DIP2A: variants seen among roughly 807,000 people sequenced by gnomAD.
DIP2A encodes DIP2 acetate--CoA ligase A, also known as disco-interacting protein 2 homolog A.
DIP2A carries 85 observed loss-of-function variants against 177.4 expected under a neutral mutation model. That is an observed-to-expected ratio of 0.48 (90% CI 0.40 to 0.57). The LOEUF (loss-of-function observed/expected upper bound fraction) is 0.57. Among genes scored for constraint, DIP2A ranks in the 20% least tolerant of loss-of-function variants. DIP2A has a pLI of 0.00. For synonymous variants in DIP2A, 886 were observed against 881.8 expected (o/e 1.00, Z -0.08); for missense variants, 1,791 against 2,100.2 (o/e 0.85, Z 2.88).
At chr21:46,513,107 T>TC (rs936766754) in intron 8 of DIP2A, among the ~76,000 whole-genome samples, 5 of 130 alleles carry the variant, frequency 0.038, no homozygotes, top group Non-Finnish European at 0.056. Context: ...TTACATGTTG[T>TC]TTTTTTTTCC....
intron 21 of DIP2A, among the ~76,000 whole-genome samples, chr21:46,549,436 T>TA (rs1364263638): frequency 6.6e-6 from 1 of 152,204 alleles, no homozygotes; most frequent in African/African-American, 2.4e-5. Flanking sequence ...TCTGTTGGAT[T>TA]AAAAAAATAT....
chr21:46,517,397 T>C (rs1368624945), intron 8 of DIP2A, among the ~76,000 whole-genome samples: 1 of 152,136 alleles, frequency 6.6e-6, no homozygotes, highest in Non-Finnish European at 1.5e-5. Flanking sequence ...GAATATTGTA[T>C]GTTGTGTATA....
intron 1 of DIP2A, among the ~76,000 whole-genome samples, chr21:46,466,495 C>T (rs2054845298): frequency 2.0e-5 from 3 of 151,746 alleles, no homozygotes; most frequent in Admixed American, 2.0e-4. Context: ...ATTACAGGTG[C>T]CTGCCACCAT....
chr21:46,524,544 A>G (rs2058978651), intron 8 of DIP2A, among the ~76,000 whole-genome samples: 1 of 152,182 alleles, frequency 6.6e-6, no homozygotes, highest in South Asian at 2.1e-4. Flanking sequence ...GTTCCCAGAA[A>G]GGGATCCTAT....
At chr21:46,573,458 G>C (rs890931009), downstream of DIP2A, among the ~76,000 whole-genome samples, 1 of 151,562 alleles carries the variant, frequency 6.6e-6, no homozygotes, top group Non-Finnish European at 1.5e-5. Context: ...CCAGGAATTT[G>C]AGACCAGCCT....
At chr21:46,544,971 C>T (rs1285905872) in intron 18 of DIP2A, among the ~76,000 whole-genome samples, 166 bp from the exon 19 acceptor site, 2 of 152,194 alleles carry the variant, frequency 1.3e-5, no homozygotes, top group Non-Finnish European at 2.9e-5. Context: ...TAAAGACTTA[C>T]AGCTAGGTAG....
At chr21:46,560,460 A>G (rs1049095569) in intron 32 of DIP2A, among the ~76,000 whole-genome samples, 2 of 152,228 alleles carry the variant, frequency 1.3e-5, no homozygotes, top group African/African-American at 4.8e-5. Context: ...TAGAACTGAA[A>G]TGTAAAGTGG....
Position 46,563,952 on chromosome 21 carries a change from A to T in DIP2A, c.4164+20A>T, listed in dbSNP as rs748915823. The T allele has an allele frequency of 9.9e-6, 16 of 1,610,232 alleles. No homozygotes were observed. The highest frequency in any genetic ancestry group is 1.4e-5 in the Non-Finnish European group (16 of 1,178,878). ...GGAGAGGTGAGCAGGGGCCCATGGG[A>T]GGGGCTTGAGCTCTCCAGCCTCACC... On this transcript the variant is annotated intron_variant, in intron 35 of 37. Coordinates refer to ENST00000417564, the MANE Select transcript of DIP2A (RefSeq NM_015151.4). The surrounding 1 kb of genome is among the most constrained non-coding windows in gnomAD (Gnocchi z 4.3).
intron 20 of DIP2A, 76 bp from the exon 21 acceptor site, chr21:46,546,836 TGGG>T: frequency 1.3e-6 from 2 of 1,544,234 alleles, no homozygotes; most frequent in South Asian, 2.4e-5. Flanking sequence ...GGCCCCTTCT[TGGG>T]GGGCCTGACC....
chr21:46,517,343 T>C (rs1316472576), intron 8 of DIP2A, among the ~76,000 whole-genome samples: 3 of 152,124 alleles, frequency 2.0e-5, no homozygotes, highest in Non-Finnish European at 4.4e-5. Flanking sequence ...CCTCCCAAAG[T>C]GCTGGATTAC....
At chr21:46,467,749 T>G (rs1313140247) in intron 1 of DIP2A, among the ~76,000 whole-genome samples, 1 of 152,202 alleles carries the variant, frequency 6.6e-6, no homozygotes, top group Admixed American at 6.5e-5. Flanking sequence ...TTGTTTGTTT[T>G]TTTTTTCATA....
chr21:46,545,430 CT>C (rs1230473456), intron 19 of DIP2A, among the ~76,000 whole-genome samples, 157 bp downstream of exon 19: 1 of 152,198 alleles, frequency 6.6e-6, no homozygotes, highest in Non-Finnish European at 1.5e-5. Context: ...CTGCACACCC[CT>C]GTGTGTCCTC....
At chr21:46,466,835 A>G (rs1235299301) in intron 1 of DIP2A, among the ~76,000 whole-genome samples, 1 of 152,158 alleles carries the variant, frequency 6.6e-6, no homozygotes. Context: ...TGGATACAGG[A>G]GCAGGTATGA....
At chr21:46,475,055 G>A (rs1316489408) in intron 1 of DIP2A, among the ~76,000 whole-genome samples, 1 of 138,626 alleles carries the variant, frequency 7.2e-6, no homozygotes, top group Admixed American at 7.6e-5. Context: ...GCAGCCCTAT[G>A]TCTGCCTCAA....
intron 1 of DIP2A, among the ~76,000 whole-genome samples, chr21:46,480,055 G>A (rs981021249): frequency 2.3e-5 from 3 of 129,924 alleles, no homozygotes; most frequent in Non-Finnish European, 5.1e-5. Context: ...GAGACTGCCT[G>A]TATTTTTTTT....
At position 46,532,551 on chromosome 21, in the gene DIP2A, A is replaced by G. The variant is rs182888150; in HGVS notation, c.1305+314A>G. Among the ~76,000 whole-genome samples the G allele has an allele frequency of 3.1e-3, 471 of 152,336 alleles. 4 individuals are homozygous for G. Among genetic ancestry groups the G allele is most frequent in the Non-Finnish European group, 5.2e-3 (357 of 68,022 alleles). ...GAAATGATAGCCATTTTTTCCTCTA[A>G]TGAATAGAATTATGATTCAATAAGA... On this transcript the variant is annotated intron_variant, in intron 10 of 37. Transcript: ENST00000417564.
chr21:46,560,655 G>T, intron 32 of DIP2A, 67 bp from the exon 33 acceptor site: 1 of 1,553,086 alleles, frequency 6.4e-7, no homozygotes, highest in Non-Finnish European at 8.7e-7. Context: ...CCATGCAGCT[G>T]TACCTGTAGA....
chr21:46,583,030 A>T, the DIP2A span, among the ~76,000 whole-genome samples: 6 of 152,322 alleles, frequency 3.9e-5, no homozygotes, highest in Middle Eastern at 6.8e-3. Context: ...TTATTCAAAG[A>T]TACAAATAGA....
chr21:46,546,049 C>A, intron 20 of DIP2A, 88 bp downstream of exon 20: 1 of 1,593,818 alleles, frequency 6.3e-7, no homozygotes, highest in Non-Finnish European at 8.6e-7. Context: ...CCACCCTTGT[C>A]CTGGCCGTTC....
Sources: allele counts gnomAD v4.1 joint callset (sites outside exome capture counted in the v4.1 genomes callset), GRCh38; gene constraint gnomAD v4.1.1; non-coding constraint Gnocchi (gnomAD v3.1); transcripts MANE v1.5; gene names NCBI Gene and HGNC (gene_info 2026-07-23, HGNC 2026-07-21).